Variants in ZNF385D observed in about 807,000 individuals in gnomAD.
ZNF385D encodes the protein zinc finger protein 659.
ZNF385D carries 15 observed loss-of-function variants against 35.8 expected under a neutral mutation model. The observed-to-expected ratio is 0.42, with a 90% CI of 0.28 to 0.64. The LOEUF is 0.64. Ranked by LOEUF, ZNF385D falls within the 30% of genes least tolerant of loss-of-function variation. The pLI, the probability that ZNF385D is intolerant of heterozygous loss-of-function variation, is 0.23. For synonymous variants in ZNF385D, 212 were observed against 186.8 expected (o/e 1.13, Z -1.10); for missense variants, 474 against 494.6 (o/e 0.96, Z 0.39).
At chr3:21,788,791 C>T (rs917428494) in intron 3 of ZNF385D, among the ~76,000 whole-genome samples, 5 of 152,096 alleles carry the variant, frequency 3.3e-5, no homozygotes, top group Admixed American at 6.6e-5. Context: ...ACATGAAATA[C>T]GGGACACAGG....
chr3:22,042,985 T>A (rs747306367), intron 3 of ZNF385D, among the ~76,000 whole-genome samples: 8 of 152,148 alleles, frequency 5.3e-5, no homozygotes, highest in Admixed American at 1.3e-4. Flanking sequence ...TTTTGAATCT[T>A]ATTAACCCAG....
intron 3 of ZNF385D, among the ~76,000 whole-genome samples, chr3:21,892,762 CA>C (rs1698937722): frequency 6.6e-6 from 1 of 152,008 alleles, no homozygotes; most frequent in African/African-American, 2.4e-5. Context: ...AGTTAATTTC[CA>C]AAAACTATTT....
At chr3:22,186,339 G>A (rs956943200) in intron 2 of ZNF385D, among the ~76,000 whole-genome samples, 35 of 152,158 alleles carry the variant, frequency 2.3e-4, no homozygotes, top group African/African-American at 7.7e-4. Context: ...CCAGAGACAT[G>A]AAGAAATACT....
At chr3:22,098,651 G>T (rs968310503) in intron 3 of ZNF385D, among the ~76,000 whole-genome samples, 3 of 151,806 alleles carry the variant, frequency 2.0e-5, no homozygotes, top group Non-Finnish European at 4.4e-5. Flanking sequence ...TGTAGGCATG[G>T]GTGCAAATGA....
intron 3 of ZNF385D, among the ~76,000 whole-genome samples, chr3:22,013,501 G>A (rs1171627760): frequency 1.3e-5 from 2 of 152,030 alleles, no homozygotes; most frequent in African/African-American, 2.4e-5. Context: ...TTTGATGTTT[G>A]ATATTTCGGT....
At chr3:21,930,998 G>T (rs1700976947) in intron 3 of ZNF385D, among the ~76,000 whole-genome samples, 1 of 151,722 alleles carries the variant, frequency 6.6e-6, no homozygotes, top group South Asian at 2.1e-4. Flanking sequence ...GCTTTAAAAA[G>T]GACCCTATGA....
chr3:22,141,755 C>G (rs868667777), intron 3 of ZNF385D, among the ~76,000 whole-genome samples: 40 of 152,250 alleles, frequency 2.6e-4, no homozygotes, highest in Middle Eastern at 3.4e-3. Context: ...TACCTGTTAT[C>G]TCTGAATTTA....
At chr3:22,355,714 TA>T (rs1696119208) in intron 2 of ZNF385D, among the ~76,000 whole-genome samples, 1 of 151,950 alleles carries the variant, frequency 6.6e-6, no homozygotes, top group Admixed American at 6.6e-5. Context: ...TGAAGCAAGC[TA>T]AAAAATATAT....
intron 3 of ZNF385D, among the ~76,000 whole-genome samples, chr3:21,895,925 G>T (rs1699112314): frequency 6.6e-6 from 1 of 152,104 alleles, no homozygotes. Context: ...AAAATTTTGT[G>T]TCTAATTTGT....
intron 2 of ZNF385D, among the ~76,000 whole-genome samples, chr3:22,230,575 A>T (rs111685633): frequency 3.0e-3 from 457 of 152,292 alleles, no homozygotes; most frequent in African/African-American, 0.011. Flanking sequence ...AAAAATAAGC[A>T]CAACCAGTTA....
chr3:21,962,483 A>C (rs544340794), intron 3 of ZNF385D, among the ~76,000 whole-genome samples: 22 of 152,338 alleles, frequency 1.4e-4, no homozygotes, highest in Non-Finnish European at 2.8e-4. Flanking sequence ...CAGGCAGCTT[A>C]GAAATAGCAC....
chr3:21,474,911 G>A (rs573175403), intron 4 of ZNF385D, among the ~76,000 whole-genome samples: 3 of 152,082 alleles, frequency 2.0e-5, no homozygotes, highest in Admixed American at 6.6e-5. Context: ...CATATCTGGT[G>A]TAATTGATAA....
intron 3 of ZNF385D, among the ~76,000 whole-genome samples, chr3:22,017,463 T>G (rs1389112610): frequency 6.6e-6 from 1 of 152,042 alleles, no homozygotes; most frequent in East Asian, 1.9e-4. Context: ...CTCTATTATT[T>G]TTTGTTTCTT....
chr3:21,928,389 A>T (rs1233275081), intron 3 of ZNF385D, among the ~76,000 whole-genome samples: 1 of 151,700 alleles, frequency 6.6e-6, no homozygotes, highest in East Asian at 1.9e-4. Context: ...AAAGGAAGAA[A>T]GATGAAAAGA....
At chr3:22,268,670 A>G (rs879159522) in intron 2 of ZNF385D, among the ~76,000 whole-genome samples, 2 of 152,088 alleles carry the variant, frequency 1.3e-5, no homozygotes, top group Admixed American at 1.3e-4. Context: ...AGGAAGTGGT[A>G]TTAGAATATT....
chr3:22,197,627 CT>C (rs1240934297), intron 2 of ZNF385D, among the ~76,000 whole-genome samples: 1 of 152,030 alleles, frequency 6.6e-6, no homozygotes, highest in Non-Finnish European at 1.5e-5. Context: ...GTCTGGAGCT[CT>C]ACCCAAGCTT....
At chr3:21,556,164 C>T (rs2062736462) in intron 3 of ZNF385D, among the ~76,000 whole-genome samples, 1 of 144,200 alleles carries the variant, frequency 6.9e-6, no homozygotes, top group African/African-American at 2.6e-5. Flanking sequence ...TTCTCCCACT[C>T]TGTAGGTTGC....
At chr3:22,115,316 T>G (rs1046712718) in intron 3 of ZNF385D, among the ~76,000 whole-genome samples, 1 of 151,986 alleles carries the variant, frequency 6.6e-6, no homozygotes, top group East Asian at 1.9e-4. Context: ...TCCAGTAAAA[T>G]GGGTAAACTT....
intron 2 of ZNF385D, among the ~76,000 whole-genome samples, chr3:21,618,171 T>C (rs764827840): frequency 6.6e-6 from 1 of 152,216 alleles, no homozygotes; most frequent in Non-Finnish European, 1.5e-5. Context: ...TAATTAGTGA[T>C]GCTGAGAGAA....
Sources: gnomAD v4.1 joint callset for allele counts (sites outside exome capture counted in the v4.1 genomes callset) on GRCh38, gnomAD v4.1.1 for gene constraint, MANE v1.5 for transcripts, NCBI Gene and HGNC (gene_info 2026-07-23, HGNC 2026-07-21) for gene names.